Variants in NOSTRIN observed in about 807,000 individuals in gnomAD.
NOSTRIN encodes the protein nitric oxide synthase trafficking.
NOSTRIN carries 63 observed loss-of-function variants against 59.0 expected under a neutral mutation model. The ratio of observed to expected loss-of-function variants is 1.07; its 90% CI spans 0.87 to 1.32. The LOEUF (loss-of-function observed/expected upper bound fraction) is 1.32, where lower values mean the gene tolerates loss of function less well. NOSTRIN is among the 40% of genes most tolerant of loss of function. The probability of loss-of-function intolerance (pLI) is 0.00; values close to 1 mark genes in which losing one functional copy is unlikely to be tolerated. For missense variants in NOSTRIN, 512 were observed against 473.1 expected (o/e 1.08, Z -0.76); for synonymous variants, 200 against 165.4 (o/e 1.21, Z -1.61).
upstream of NOSTRIN, among the ~76,000 whole-genome samples, chr2:168,797,284 A>C (rs1042398639): frequency 1.3e-5 from 2 of 151,536 alleles, no homozygotes; most frequent in African/African-American, 4.8e-5. Context: ...TTTGGTAGAG[A>C]TGGGGTTTTA....
chr2:168,840,937 A>G (rs960087500), intron 7 of NOSTRIN, among the ~76,000 whole-genome samples: 3 of 152,276 alleles, frequency 2.0e-5, no homozygotes, highest in African/African-American at 7.2e-5. Flanking sequence ...CAAGCATTTC[A>G]GGTCATTTCT....
At chr2:168,828,629 TTTTA>T in intron 5 of NOSTRIN, 128 bp downstream of exon 5, 1 of 400,192 alleles carries the variant, frequency 2.5e-6, no homozygotes, top group Non-Finnish European at 4.5e-6. Context: ...AAATAAATAC[TTTTA>T]TTTATTTTAA....
chr2:168,858,380 G>C (rs936104811), intron 12 of NOSTRIN, among the ~76,000 whole-genome samples: 1 of 152,220 alleles, frequency 6.6e-6, no homozygotes, highest in South Asian at 2.1e-4. Context: ...GGTAGATTTT[G>C]TGTCACCCAC....
chr2:168,800,626 G>T (rs988815185), upstream of NOSTRIN, among the ~76,000 whole-genome samples: 1 of 152,126 alleles, frequency 6.6e-6, no homozygotes, highest in Admixed American at 6.5e-5. Context: ...TCTATAATTC[G>T]TATACAAAGA....
intron 2 of NOSTRIN, chr2:168,818,263 C>G (rs1333237553): frequency 4.7e-6 from 2 of 427,822 alleles, no homozygotes; most frequent in South Asian, 1.7e-5. Flanking sequence ...GCGAACTCCT[C>G]TCGCCTCAGC....
intron 11 of NOSTRIN, chr2:168,856,386 C>T (rs1574335533): frequency 3.1e-6 from 1 of 326,180 alleles, no homozygotes; most frequent in East Asian, 7.5e-5. Flanking sequence ...ACCAGTTTGG[C>T]CAACATGATG....
rs1034806691 is a variant in NOSTRIN at position 168,851,421 on chromosome 2, A to C, written c.855+17A>C. 11 of 1,588,132 alleles carry C rather than the reference A, an allele frequency of 6.9e-6. No homozygotes were observed. Among genetic ancestry groups the C allele is most frequent in the African/African-American group, 6.8e-5 (5 of 73,356 alleles). ...GATTACTTTGTGAGTATGAAATGGA[A>C]AAAAAAAGTTACATTAATGGAGAAT... On this transcript the variant is annotated intron_variant, in intron 10 of 15. Transcript: ENST00000317647.
intron 10 of NOSTRIN, among the ~76,000 whole-genome samples, chr2:168,854,121 G>A (rs970867975): frequency 5.9e-5 from 9 of 152,130 alleles, no homozygotes; most frequent in African/African-American, 1.9e-4. Flanking sequence ...CACCCACCTT[G>A]GCCTCCCAAA....
chr2:168,857,174 G>T (rs1243111337), intron 12 of NOSTRIN, among the ~76,000 whole-genome samples: 1 of 152,146 alleles, frequency 6.6e-6, no homozygotes, highest in East Asian at 1.9e-4. Context: ...TTTCTCATCC[G>T]CAAAATGGGG....
chr2:168,790,044 C>G (rs72881764), intron 2 of NOSTRIN, among the ~76,000 whole-genome samples: 15 of 152,266 alleles, frequency 9.9e-5, no homozygotes, highest in African/African-American at 3.6e-4. Flanking sequence ...CGAGTTAGCT[C>G]ATTCTTGTTT....
chr2:168,851,210 G>C (rs368633166), intron 9 of NOSTRIN, 28 bp downstream of exon 9: 3 of 1,613,896 alleles, frequency 1.9e-6, no homozygotes, highest in African/African-American at 2.7e-5. Flanking sequence ...CTCCATTTCT[G>C]GTATGCCTGG....
chr2:168,851,019 TTGATGAG>T, intron 8 of NOSTRIN, 58 bp from the exon 9 acceptor site: 1 of 974,480 alleles, frequency 1.0e-6, no homozygotes, highest in South Asian at 1.3e-5. Context: ...GTGTCAGTGT[TTGATGAG>T]TGACTTCCAT....
intron 7 of NOSTRIN, among the ~76,000 whole-genome samples, chr2:168,836,892 C>T (rs548659014): frequency 6.6e-6 from 1 of 152,318 alleles, no homozygotes; most frequent in South Asian, 2.1e-4. Flanking sequence ...TTCTATAACT[C>T]CCCCTGTCTT....
At chr2:168,839,917 ATATATGTG>A (rs1281734759) in intron 7 of NOSTRIN, among the ~76,000 whole-genome samples, 18 of 93,248 alleles carry the variant, frequency 1.9e-4, no homozygotes, top group East Asian at 7.1e-4. Flanking sequence ...ATATATATAT[ATATATGTG>A]TGTGTGTGTG....
chr2:168,844,679 G>C (rs1338907015), intron 8 of NOSTRIN, among the ~76,000 whole-genome samples: 1 of 152,076 alleles, frequency 6.6e-6, no homozygotes, highest in African/African-American at 2.4e-5. Flanking sequence ...GACCATCCTG[G>C]CTAACACGGC....
At chr2:168,824,486 A>G (rs1686942073) in intron 2 of NOSTRIN, 148 bp from the exon 3 acceptor site, 1 of 532,442 alleles carries the variant, frequency 1.9e-6, no homozygotes, top group Non-Finnish European at 3.5e-6. Context: ...TTTAGTAGAG[A>G]CTGGGTTTCA....
intron 8 of NOSTRIN, among the ~76,000 whole-genome samples, chr2:168,845,021 C>A (rs1299650441): frequency 6.6e-6 from 1 of 151,932 alleles, no homozygotes; most frequent in Non-Finnish European, 1.5e-5. Context: ...AGGATAGATG[C>A]AGAATTAGAG....
chr2:168,857,065 C>G (rs751555129), intron 12 of NOSTRIN, among the ~76,000 whole-genome samples: 2 of 152,234 alleles, frequency 1.3e-5, no homozygotes, highest in Non-Finnish European at 2.9e-5. Context: ...GCACTTTAAC[C>G]CAGTTAAGAA....
chr2:168,824,168 C>G (rs371854181), intron 2 of NOSTRIN, among the ~76,000 whole-genome samples: 61 of 152,306 alleles, frequency 4.0e-4, no homozygotes, highest in African/African-American at 1.3e-3. Context: ...ACAAAAGGAT[C>G]CTTGTAGTAA....
Sources: allele counts gnomAD v4.1 joint callset (sites outside exome capture counted in the v4.1 genomes callset), GRCh38; gene constraint gnomAD v4.1.1; transcripts MANE v1.5; gene names NCBI Gene and HGNC (gene_info 2026-07-23, HGNC 2026-07-21).